SLC13A2: variants seen among roughly 807,000 people sequenced by gnomAD.
SLC13A2 encodes the protein Na(+)-coupled citrate transporter.
A neutral mutation model predicts 58.5 loss-of-function variants in SLC13A2; 40 were observed. That is an observed-to-expected ratio of 0.68 (90% CI 0.53 to 0.89). The LOEUF is 0.89. SLC13A2 is among the 40% of genes least tolerant of loss of function. The probability of loss-of-function intolerance (pLI) is 0.00; values close to 1 mark genes in which losing one functional copy is unlikely to be tolerated. For synonymous variants in SLC13A2, 341 were observed against 331.6 expected, an observed-to-expected ratio of 1.03 and a Z score of -0.31; for missense variants, 694 against 772.6, an observed-to-expected ratio of 0.90 and a Z score of 1.21.
At chr17:28,478,775 C>T (rs1451048606) in intron 1 of SLC13A2, among the ~76,000 whole-genome samples, 4 of 152,316 alleles carry the variant, frequency 2.6e-5, no homozygotes, top group Middle Eastern at 6.8e-3. Context: ...ATGTATTCAT[C>T]CAACCATGCA....
chr17:28,491,949 C>T, intron 6 of SLC13A2, 97 bp downstream of exon 6: 2 of 1,498,356 alleles, frequency 1.3e-6, no homozygotes, highest in Admixed American at 2.2e-5. Flanking sequence ...TTATCACCAT[C>T]CCAATGAGAA....
intron 1 of SLC13A2, among the ~76,000 whole-genome samples, chr17:28,481,689 G>A (rs539843317): frequency 6.6e-6 from 1 of 152,350 alleles, no homozygotes; most frequent in South Asian, 2.1e-4. Context: ...TTCTCGGCTG[G>A]TTATTACAGA....
intron 1 of SLC13A2, among the ~76,000 whole-genome samples, chr17:28,488,831 G>A (rs1199111212): frequency 1.3e-5 from 2 of 152,136 alleles, no homozygotes; most frequent in Admixed American, 1.3e-4. Context: ...GCCAGGGAAC[G>A]CCAGGGTGCC....
chr17:28,473,846 T>G, intron 1 of SLC13A2, 32 bp downstream of exon 1: 1 of 1,586,956 alleles, frequency 6.3e-7, no homozygotes, highest in Non-Finnish European at 8.6e-7. Flanking sequence ...CACAGATAAC[T>G]CCAGGGGGCA....
At position 28,495,814 on chromosome 17, in the gene SLC13A2, A is replaced by C. The variant is rs2069130649; in HGVS notation, c.1468A>C (p.Met490Leu). The change falls in exon 10 of 12, where the codon ATG becomes CTG. Residue 490 changes from methionine to leucine, a missense_variant and splice_region_variant. Met to Leu is a conservative substitution (Grantham distance 15). Coordinates refer to ENST00000314669, the MANE Select transcript of SLC13A2 (RefSeq NM_003984.4). ...GATCTTCCTGCCCATCCTAGCCTCC[A>C]TGGTGAGCTGGCCCTCAGAAACACC... ...TTIFLPILAS[M>L]AQAICLHPLY... 3 of 1,611,922 alleles carry C rather than the reference A, an allele frequency of 1.9e-6. No individual in the cohort carries two copies. The East Asian group carries it at 6.7e-5, about 36-fold the overall frequency.
chr17:28,480,809 T>C (rs2068770896), intron 1 of SLC13A2, among the ~76,000 whole-genome samples: 1 of 152,156 alleles, frequency 6.6e-6, no homozygotes, highest in African/African-American at 2.4e-5. Flanking sequence ...TCAAATGGGC[T>C]CTTGTGCTTA....
chr17:28,476,929 G>A (rs927039638), intron 1 of SLC13A2, among the ~76,000 whole-genome samples: 12 of 151,918 alleles, frequency 7.9e-5, no homozygotes, highest in Non-Finnish European at 1.6e-4. Context: ...GGCCAAGGCA[G>A]GTGGATCACT....
intron 1 of SLC13A2, among the ~76,000 whole-genome samples, chr17:28,480,590 C>G (rs140117742): frequency 1.3e-5 from 2 of 152,278 alleles, no homozygotes; most frequent in African/African-American, 4.8e-5. Context: ...TGTGACCTGA[C>G]CGAGCCTCTT....
intron 1 of SLC13A2, 107 bp from the exon 2 acceptor site, chr17:28,489,107 T>C (rs2068948094): frequency 1.0e-5 from 13 of 1,305,078 alleles, no homozygotes; most frequent in Non-Finnish European, 1.4e-5. Context: ...TTTCACAGGC[T>C]CTCCCCAGGC....
At position 28,494,252 on chromosome 17, in the gene SLC13A2, A is replaced by G. The variant is rs2151463179; in HGVS notation, c.1187-139A>G. 7.8e-6 allele frequency: 12 copies of G among 1,531,416 alleles called. No individual in the cohort carries two copies. The highest frequency in any genetic ancestry group is 9.9e-6 in the Non-Finnish European group (11 of 1,111,604). The allele number at this position is 1,531,416 out of a possible 1,614,324, so 94.9% of individuals were successfully genotyped here. A position where few individuals can be genotyped will look rare whatever the true frequency, so the allele number is the denominator to read the frequency against. Reference sequence around the variant, plus strand: ...CAAGGGCACAGGGACTCGGAGACAAAGTTGAGATGTTGCAGAACTGAGGGT... The same window carrying G: ...CAAGGGCACAGGGACTCGGAGACAAGGTTGAGATGTTGCAGAACTGAGGGT... On this transcript the variant is annotated intron_variant, in intron 8 of 11. Coordinates refer to ENST00000314669, the MANE Select transcript of SLC13A2 (RefSeq NM_003984.4). The surrounding 1 kb of genome is among the most constrained non-coding windows in gnomAD (Gnocchi z 4.0).
At position 28,477,469 on chromosome 17, in the gene SLC13A2, C is replaced by T. The variant is rs530042167; in HGVS notation, c.102+3655C>T. On this transcript the variant is annotated intron_variant, in intron 1 of 11. Coordinates refer to ENST00000314669, the MANE Select transcript of SLC13A2 (RefSeq NM_003984.4). ...TTGGCCTCCCAAAGTGCTGGGATTACAGGCGTGAGCCACCATGCCCGGCCA... is the reference window on the plus strand; with the variant it reads ...TTGGCCTCCCAAAGTGCTGGGATTATAGGCGTGAGCCACCATGCCCGGCCA... 4.2e-3 allele frequency among the ~76,000 whole-genome samples: 630 copies of T among 151,630 alleles called. 5 individuals are homozygous for T. The highest frequency in any genetic ancestry group is 0.014 in the African/African-American group (596 of 41,466).
At chr17:28,474,398 G>C (rs1555599541) in intron 1 of SLC13A2, among the ~76,000 whole-genome samples, 1 of 152,114 alleles carries the variant, frequency 6.6e-6, no homozygotes, top group Admixed American at 6.5e-5. Context: ...GGATGGAGGG[G>C]GAGCTGGGCA....
In SLC13A2 at chr17:28,496,535, C is replaced by A. The variant is rs1597513245; in HGVS notation, c.1556C>A (p.Thr519Asn). 6.2e-6 allele frequency: 10 copies of A among 1,613,600 alleles called. No individual in the cohort carries two copies. The highest frequency in any genetic ancestry group is 8.5e-6 in the Non-Finnish European group (10 of 1,179,742). The change falls in exon 11 of 12, where the codon ACC (threonine) becomes AAC (asparagine). Residue 519 changes from threonine to asparagine, a missense_variant. Transcript: ENST00000314669. The surrounding 1 kb of genome is among the most constrained non-coding windows in gnomAD (Gnocchi z 4.2). Reference protein sequence around the residue: ...TSLAFMLPVATPPNAIVFSFG... With the variant: ...TSLAFMLPVANPPNAIVFSFG... ...CTGGCCTTCATGTTGCCTGTGGCCA[C>A]CCCGCCCAATGCCATCGTCTTCTCT...
chr17:28,490,925 G>C lies in SLC13A2; in HGVS notation c.574+19G>C. On this transcript the variant is annotated intron_variant, in intron 4 of 11. Coordinates refer to ENST00000314669, the MANE Select transcript of SLC13A2 (RefSeq NM_003984.4). ...AAGCTTGGTGAGAAAAATGAGGCTA[G>C]ACTCTGCCCCAACCCCTTGGTTCTT... 3.1e-6 allele frequency: 5 copies of C among 1,597,734 alleles called. No individual in the cohort carries two copies. Among genetic ancestry groups the C allele is most frequent in the Non-Finnish European group, 4.3e-6 (5 of 1,170,982 alleles).
chr17:28,477,661 A>G (rs1280120174), intron 1 of SLC13A2, among the ~76,000 whole-genome samples: 2 of 152,240 alleles, frequency 1.3e-5, no homozygotes, highest in African/African-American at 4.8e-5. Flanking sequence ...ATTTGTGCCC[A>G]TAATAATAAT....
At chr17:28,491,345 G>A in intron 4 of SLC13A2, 92 bp from the exon 5 acceptor site, 1 of 1,431,034 alleles carries the variant, frequency 7.0e-7, no homozygotes, top group Non-Finnish European at 9.6e-7. Flanking sequence ...GCTGTTCACA[G>A]ACAAGGTACC....
intron 1 of SLC13A2, among the ~76,000 whole-genome samples, chr17:28,477,877 G>A (rs2068717853): frequency 6.6e-6 from 1 of 152,014 alleles, no homozygotes; most frequent in Non-Finnish European, 1.5e-5. Flanking sequence ...GGCCAACATG[G>A]TGAAACTCCA....
At chr17:28,483,549 A>G (rs1597875939) in intron 1 of SLC13A2, among the ~76,000 whole-genome samples, 1 of 152,100 alleles carries the variant, frequency 6.6e-6, no homozygotes, top group African/African-American at 2.4e-5. Context: ...AGGCAGGAGG[A>G]TTACTTGAGG....
intron 1 of SLC13A2, among the ~76,000 whole-genome samples, chr17:28,484,569 A>C (rs1488570842): frequency 1.3e-5 from 2 of 152,176 alleles, no homozygotes; most frequent in African/African-American, 4.8e-5. Context: ...AGCTGTTTTG[A>C]GATGAGTGTG....
Sources: gnomAD v4.1 joint callset for allele counts (sites outside exome capture counted in the v4.1 genomes callset) on GRCh38, gnomAD v4.1.1 for gene constraint, Gnocchi (gnomAD v3.1) non-coding constraint, MANE v1.5 for transcripts, NCBI Gene and HGNC (gene_info 2026-07-23, HGNC 2026-07-21) for gene names.